The following PLCG2 variants were observed in gnomAD, a reference collection of about 807,000 sequenced individuals.
PLCG2 encodes 1-phosphatidylinositol 4,5-bisphosphate phosphodiesterase gamma-2.
Under a neutral mutation model 175.6 loss-of-function variants are expected in PLCG2, and 69 were observed. The observed-to-expected ratio is 0.39, with a 90% CI of 0.32 to 0.48. The LOEUF (loss-of-function observed/expected upper bound fraction) is 0.48, where lower values mean the gene tolerates loss of function less well. Among genes scored for constraint, PLCG2 ranks in the 20% least tolerant of loss-of-function variants. The pLI is 0.91. For synonymous variants in PLCG2, 827 were observed against 624.0 expected, an observed-to-expected ratio of 1.33 and a Z score of -4.85; for missense variants, 1,798 against 1,650.9, an observed-to-expected ratio of 1.09 and a Z score of -1.54.
At chr16:81,919,001 A>G (rs919031010) in intron 19 of PLCG2, among the ~76,000 whole-genome samples, 13 of 152,186 alleles carry the variant, frequency 8.5e-5, no homozygotes, top group African/African-American at 2.4e-4. Context: ...TCTGTGAAGG[A>G]CCACAGAGTG....
intron 7 of PLCG2, among the ~76,000 whole-genome samples, chr16:81,874,587 G>T (rs1416260091): frequency 6.6e-6 from 1 of 152,122 alleles, no homozygotes; most frequent in African/African-American, 2.4e-5. Context: ...TTTGTGATTT[G>T]GGGGGAATGA....
intron 2 of PLCG2, among the ~76,000 whole-genome samples, chr16:81,815,368 G>T (rs1343314813): frequency 6.6e-6 from 1 of 152,174 alleles, no homozygotes; most frequent in African/African-American, 2.4e-5. Flanking sequence ...CTGTGTAGCT[G>T]AGCCTCTGAT....
intron 6 of PLCG2, 60 bp downstream of exon 6, chr16:81,869,358 T>C (rs913959412): frequency 4.9e-6 from 6 of 1,234,130 alleles, no homozygotes; most frequent in African/African-American, 4.4e-5. Context: ...GCCTCTCTCA[T>C]GAAGCCGTGG....
intron 30 of PLCG2, among the ~76,000 whole-genome samples, chr16:81,945,291 G>C (rs918691606): frequency 2.0e-5 from 3 of 152,234 alleles, no homozygotes; most frequent in Non-Finnish European, 4.4e-5. Flanking sequence ...GCATTACTTG[G>C]AGAATCAGTA....
At chr16:81,856,879 C>G (rs1906712217) in intron 3 of PLCG2, among the ~76,000 whole-genome samples, 2 of 152,066 alleles carry the variant, frequency 1.3e-5, no homozygotes, top group Non-Finnish European at 2.9e-5. Context: ...GAAGGTCATT[C>G]CCAGAGAAAG....
At chr16:81,938,567 T>G (rs1910811006) in intron 28 of PLCG2, 2 of 549,294 alleles carry the variant, frequency 3.6e-6, no homozygotes, top group Non-Finnish European at 6.5e-6. Context: ...TTTTACCTGT[T>G]GAGTCAGGTG....
Position 81,758,929 on chromosome 16 carries a change from C to T in PLCG2, c.-48+2963C>T, listed in dbSNP as rs377038687. 4.3e-3 allele frequency among the ~76,000 whole-genome samples: 650 copies of T among 152,266 alleles called. 2 individuals carry two copies. Among genetic ancestry groups the T allele is most frequent in the African/African-American group, 0.015 (606 of 41,566 alleles). ...CTGACCTCAGGTGATCCACCTGCCTCGGCCTCCCAAAGTGCTGAGATTACA... is the reference window on the plus strand; with the variant it reads ...CTGACCTCAGGTGATCCACCTGCCTTGGCCTCCCAAAGTGCTGAGATTACA... On this transcript the variant is annotated intron_variant, in intron 2 of 5. Transcript: ENST00000565054.
chr16:81,900,910 C>T lies in PLCG2; in HGVS notation c.1362+130C>T, dbSNP rs898093928. 9 of 745,950 alleles carry T rather than the reference C, an allele frequency of 1.2e-5. No individual in the cohort carries two copies. In the Admixed American group the frequency reaches 2.3e-4, roughly 19 times the overall value. The allele number at this position is 745,950 out of a possible 1,614,324, so 46.2% of individuals were successfully genotyped here. The stretch of plus-strand genomic sequence containing the variant: ...CAGGTCCCACTGCACAGGCTCAAAT[C>T]TGCTCTCCTTACTAACACTGTGACC... On this transcript the variant is annotated intron_variant, in intron 14 of 32. Coordinates refer to ENST00000564138, the MANE Select transcript of PLCG2 (RefSeq NM_002661.5).
rs367649147 is a variant in PLCG2, at chr16:81,956,926, C to T, written c.3755+47C>T. The T allele has an allele frequency of 4.1e-5, 62 of 1,521,738 alleles. No homozygotes were observed. In the African/African-American group the frequency reaches 6.4e-4, roughly 16 times the overall value. The allele number at this position is 1,521,738 out of a possible 1,614,324, so 94.3% of individuals were successfully genotyped here. A position where few individuals can be genotyped will look rare whatever the true frequency, so the allele number is the denominator to read the frequency against. ...CAAAAACTTTTGGGGGGTCTCTAGG[C>T]ACGGTGATGATGGGCACCACGGGCC... On this transcript the variant is annotated intron_variant, in intron 32 of 32. Coordinates refer to ENST00000564138, the MANE Select transcript of PLCG2 (RefSeq NM_002661.5).
intron 2 of PLCG2, among the ~76,000 whole-genome samples, chr16:81,764,765 A>G (rs9937704): frequency 0.53 from 79,895 of 152,034 alleles, 22,741 homozygotes; most frequent in Non-Finnish European, 0.63. Flanking sequence ...TAATCAAGTT[A>G]ATATGTGGTC....
intron 11 of PLCG2, 120 bp from the exon 12 acceptor site, chr16:81,893,589 G>A: frequency 1.5e-6 from 1 of 684,394 alleles, no homozygotes; most frequent in Non-Finnish European, 2.6e-6. Flanking sequence ...CTACATGGAA[G>A]AACTCAGAGC....
At chr16:81,770,684 C>T (rs1428170600) in intron 2 of PLCG2, among the ~76,000 whole-genome samples, 2 of 152,102 alleles carry the variant, frequency 1.3e-5, no homozygotes, top group South Asian at 2.1e-4. Flanking sequence ...TGCGCCACTG[C>T]CCTCCTGCTT....
At chr16:81,948,740 G>C (rs1911251208) in intron 31 of PLCG2, among the ~76,000 whole-genome samples, 3 of 152,154 alleles carry the variant, frequency 2.0e-5, no homozygotes, top group South Asian at 4.1e-4. Context: ...GCTAAAGTTG[G>C]TCAGTTTGCC....
intron 5 of PLCG2, among the ~76,000 whole-genome samples, chr16:81,860,157 A>G (rs1906896843): frequency 1.0e-5 from 1 of 96,524 alleles, no homozygotes; most frequent in African/African-American, 3.6e-5. Context: ...TATTATTATT[A>G]TTATTATTAT....
At chr16:81,950,034 A>G (rs1205309032) in intron 31 of PLCG2, among the ~76,000 whole-genome samples, 1 of 152,230 alleles carries the variant, frequency 6.6e-6, no homozygotes, top group Non-Finnish European at 1.5e-5. Flanking sequence ...GGAGGAAAAA[A>G]GGAGATCAAC....
chr16:81,910,491 C>A, intron 17 of PLCG2, 29 bp from the exon 18 acceptor site: 1 of 1,609,450 alleles, frequency 6.2e-7, no homozygotes, highest in Non-Finnish European at 8.5e-7. Context: ...CTGCGTTCTC[C>A]CAGCACTGAT....
At chr16:81,901,131 C>T (rs371695496) in intron 14 of PLCG2, among the ~76,000 whole-genome samples, 1 of 152,168 alleles carries the variant, frequency 6.6e-6, no homozygotes, top group Non-Finnish European at 1.5e-5. Context: ...CATTGGTGAA[C>T]CTTCCCCATC....
chr16:81,859,489 T>A (rs1184908665), intron 5 of PLCG2, among the ~76,000 whole-genome samples: 1 of 151,830 alleles, frequency 6.6e-6, no homozygotes, highest in Non-Finnish European at 1.5e-5. Context: ...CAGCCCATGC[T>A]TTGTGACAGG....
rs536445298 is a variant in PLCG2 at position 81,832,842 on chromosome 16, T to A, written c.194-21602T>A. The stretch of plus-strand genomic sequence containing the variant: ...TGCAGCTAGTGGGAGACCCTGTGGG[T>A]GACCCATTAGCCATAAGAGAGCAGG... On this transcript the variant is annotated intron_variant, in intron 2 of 32. Transcript: ENST00000564138. Among the ~76,000 whole-genome samples the A allele has an allele frequency of 7.3e-4, 111 of 152,308 alleles. 1 individual carries two copies. The highest frequency in any genetic ancestry group is 1.4e-3 in the Non-Finnish European group (93 of 68,034).
Sources: gnomAD v4.1 joint callset for allele counts (sites outside exome capture counted in the v4.1 genomes callset) on GRCh38, gnomAD v4.1.1 for gene constraint, MANE v1.5 for transcripts, NCBI Gene and HGNC (gene_info 2026-07-23, HGNC 2026-07-21) for gene names.